The following FYB1 variants were observed in gnomAD, a reference collection of about 807,000 sequenced individuals.
FYB1 encodes the protein FYN binding protein 1.
A neutral mutation model predicts 94.1 loss-of-function variants in FYB1; 41 were observed. The ratio of observed to expected loss-of-function variants is 0.44; its 90% CI spans 0.34 to 0.57. The LOEUF is 0.57. Ranked by LOEUF, FYB1 falls within the 20% of genes least tolerant of loss-of-function variation. FYB1 has a pLI of 0.02. For missense variants in FYB1, 1,050 were observed against 976.8 expected (o/e 1.07, Z -1.00); for synonymous variants, 367 against 353.2 (o/e 1.04, Z -0.44).
At chr5:39,164,981 G>C (rs552879620) in intron 2 of FYB1, among the ~76,000 whole-genome samples, 1 of 152,178 alleles carries the variant, frequency 6.6e-6, no homozygotes, top group African/African-American at 2.4e-5. Context: ...TGTTCTTAGC[G>C]TGACTCAAAG....
chr5:39,124,316 A>C (rs751130868), intron 12 of FYB1, 38 bp from the exon 13 acceptor site: 1 of 1,451,072 alleles, frequency 6.9e-7, no homozygotes, highest in Non-Finnish European at 9.3e-7. Context: ...AATCAGACTA[A>C]CATGAACACA....
At chr5:39,239,507 A>T (rs1255145890) in intron 1 of FYB1, among the ~76,000 whole-genome samples, 2 of 152,196 alleles carry the variant, frequency 1.3e-5, no homozygotes, top group East Asian at 1.9e-4. Flanking sequence ...GCAATTCTAT[A>T]CACCAACAAC....
intron 1 of FYB1, among the ~76,000 whole-genome samples, chr5:39,243,622 A>G (rs1375910956): frequency 9.2e-5 from 14 of 152,226 alleles, no homozygotes; most frequent in African/African-American, 2.4e-4. Flanking sequence ...TTGGCAATGC[A>G]GGCTCTTTTT....
chr5:39,231,178 AAAC>A (rs1386323723), intron 1 of FYB1, among the ~76,000 whole-genome samples: 8 of 114,978 alleles, frequency 7.0e-5, no homozygotes, highest in East Asian at 7.3e-4. Context: ...AAAACAAAAA[AAAC>A]AAAACAGCTG....
rs376393108 is a variant in FYB1, at chr5:39,217,755, G to A, written c.-28+1688C>T. Among the ~76,000 whole-genome samples, 508 of 152,288 alleles carry A rather than the reference G, an allele frequency of 3.3e-3. 3 individuals are homozygous for A. Among genetic ancestry groups the A allele is most frequent in the South Asian group, 0.015 (70 of 4,826 alleles). On this transcript the variant is annotated intron_variant, in intron 1 of 18. Coordinates refer to ENST00000512982, the MANE Select transcript of FYB1 (RefSeq NM_001465.6). The stretch of plus-strand genomic sequence containing the variant: ...AGCCCAAACCCGCCAGCGAGCCACG[G>A]TTCACTCTCTTCACTTTCTTGTTTT...
At chr5:39,242,347 T>C (rs1751249079) in intron 1 of FYB1, among the ~76,000 whole-genome samples, 2 of 142,646 alleles carry the variant, frequency 1.4e-5, no homozygotes, top group Admixed American at 7.2e-5. Flanking sequence ...TGTCCAAGTG[T>C]TCTCATTGTT....
intron 9 of FYB1, among the ~76,000 whole-genome samples, chr5:39,131,184 A>G (rs897602378): frequency 6.6e-6 from 1 of 152,046 alleles, no homozygotes; most frequent in African/African-American, 2.4e-5. Flanking sequence ...CTTTCACATC[A>G]TTCTATATTT....
At chr5:39,212,393 A>C (rs1749479010) in intron 1 of FYB1, among the ~76,000 whole-genome samples, 1 of 152,214 alleles carries the variant, frequency 6.6e-6, no homozygotes, top group Admixed American at 6.5e-5. Context: ...AGGAAAGTGA[A>C]AGCTATACAT....
intron 2 of FYB1, among the ~76,000 whole-genome samples, chr5:39,185,051 A>G (rs777894796): frequency 4.6e-5 from 7 of 152,194 alleles, no homozygotes; most frequent in Admixed American, 6.5e-5. Flanking sequence ...ATATGTTATT[A>G]GCGTTTATAC....
intron 2 of FYB1, among the ~76,000 whole-genome samples, chr5:39,190,376 CCTTG>C (rs1747246963): frequency 6.6e-6 from 1 of 152,062 alleles, no homozygotes; most frequent in African/African-American, 2.4e-5. Flanking sequence ...ATGGAATGTT[CCTTG>C]CTAGGTTTTG....
intron 1 of FYB1, among the ~76,000 whole-genome samples, chr5:39,213,978 A>G (rs1303667031): frequency 6.6e-6 from 1 of 152,020 alleles, no homozygotes; most frequent in African/African-American, 2.4e-5. Flanking sequence ...GCATTTATAT[A>G]TAACAACTTC....
At chr5:39,220,188 T>G (rs1211500872), upstream of FYB1, among the ~76,000 whole-genome samples, 1 of 151,822 alleles carries the variant, frequency 6.6e-6, no homozygotes, top group Non-Finnish European at 1.5e-5. Context: ...GCAGGAGGAT[T>G]GCTTGAGACC....
chr5:39,252,662 T>C (rs759599715), intron 1 of FYB1, among the ~76,000 whole-genome samples: 2 of 152,182 alleles, frequency 1.3e-5, no homozygotes, highest in Non-Finnish European at 2.9e-5. Flanking sequence ...ACTAAGTTTA[T>C]GAAACAGCAA....
intron 16 of FYB1, among the ~76,000 whole-genome samples, chr5:39,112,573 A>G (rs1036459620): frequency 1.3e-5 from 2 of 152,100 alleles, no homozygotes; most frequent in East Asian, 3.8e-4. Context: ...TAGAAATTAA[A>G]GATTTTTATT....
intron 1 of FYB1, among the ~76,000 whole-genome samples, chr5:39,216,760 A>G (rs1419359271): frequency 6.6e-6 from 1 of 152,202 alleles, no homozygotes; most frequent in Non-Finnish European, 1.5e-5. Context: ...CTGGCTTGGA[A>G]AGACTGAGTT....
intron 1 of FYB1, among the ~76,000 whole-genome samples, chr5:39,229,951 T>G (rs1277770288): frequency 6.6e-6 from 1 of 152,062 alleles, no homozygotes; most frequent in Non-Finnish European, 1.5e-5. Context: ...CCTGGGCATC[T>G]GTACTCTTCA....
At chr5:39,111,577 A>T (rs1368702879) in intron 16 of FYB1, among the ~76,000 whole-genome samples, 1 of 151,932 alleles carries the variant, frequency 6.6e-6, no homozygotes, top group Non-Finnish European at 1.5e-5. Flanking sequence ...AGGGTTAAAA[A>T]AAACTCCACT....
At chr5:39,176,621 T>A (rs981655448) in intron 2 of FYB1, among the ~76,000 whole-genome samples, 2 of 152,242 alleles carry the variant, frequency 1.3e-5, no homozygotes, top group East Asian at 3.8e-4. Flanking sequence ...TTATTCTGAC[T>A]GGTGTTTCTT....
At chr5:39,273,947 C>A (rs780222158) in intron 1 of FYB1, among the ~76,000 whole-genome samples, 1 of 151,206 alleles carries the variant, frequency 6.6e-6, no homozygotes, top group African/African-American at 2.4e-5. Context: ...CTTTTTGAGA[C>A]AGAGTCTTGC....
Sources: allele counts gnomAD v4.1 joint callset (sites outside exome capture counted in the v4.1 genomes callset), GRCh38; gene constraint gnomAD v4.1.1; transcripts MANE v1.5; gene names NCBI Gene and HGNC (gene_info 2026-07-23, HGNC 2026-07-21).